The following ACYP2 variants were observed in gnomAD, a reference collection of about 807,000 sequenced individuals.
ACYP2 encodes acylphosphatase-2.
Under a neutral mutation model 11.2 loss-of-function variants are expected in ACYP2, and 12 were observed. That is an observed-to-expected ratio of 1.08 (90% CI 0.69 to 1.74). ACYP2 has a LOEUF of 1.74. Ranked by LOEUF, ACYP2 falls within the 40% of genes most tolerant of loss-of-function variation. The probability of loss-of-function intolerance (pLI) is 0.00; values close to 1 mark genes in which losing one functional copy is unlikely to be tolerated. For missense variants in ACYP2, 134 were observed against 101.9 expected (o/e 1.31, Z -1.35); for synonymous variants, 43 against 32.2 (o/e 1.33, Z -1.13).
chr2:54,039,249 C>T (rs13387890), intron 2 of ACYP2, among the ~76,000 whole-genome samples: 13,023 of 129,912 alleles, frequency 0.1, 821 homozygotes, highest in African/African-American at 0.18. Context: ...CAGCCTACAT[C>T]GTGCTTTAAT....
Position 54,153,935 on chromosome 2 carries a change from A to T in ACYP2, c.404+15187A>T, listed in dbSNP as rs545059222. Among the ~76,000 whole-genome samples the T allele has an allele frequency of 3.9e-5, 6 of 152,000 alleles. No homozygotes were observed. The South Asian group carries it at 6.2e-4, about 16-fold the overall frequency. On this transcript the variant is annotated intron_variant, in intron 6 of 6. Coordinates refer to ENST00000607452, the MANE Select transcript of ACYP2 (RefSeq NM_001320586.2). The stretch of plus-strand genomic sequence containing the variant: ...CTTTTTAACAATATTAATTCTTCCA[A>T]TCCATGAACGTGGAATATCCTTATA...
chr2:54,095,281 CTTCT>C (rs1259411803), intron 4 of ACYP2, among the ~76,000 whole-genome samples: 2 of 152,256 alleles, frequency 1.3e-5, no homozygotes, highest in Non-Finnish European at 2.9e-5. Flanking sequence ...CCCATGTCTA[CTTCT>C]TTCTACACAG....
Position 54,141,950 on chromosome 2 carries a change from ACGTCAACCTC to A in ACYP2, c.404+3204_404+3213del, listed in dbSNP as rs976214284. On this transcript the variant is annotated intron_variant, in intron 6 of 6. Coordinates refer to ENST00000607452, the MANE Select transcript of ACYP2 (RefSeq NM_001320586.2). ...CCTTCTGGGCTCAAGTGATCTTCCC[ACGTCAACCTC>A]CTGAGTGCACATGCTGGCTAATTTG... 6.9e-6 allele frequency: 4 copies of A among 581,180 alleles called. No individual in the cohort carries two copies. In the African/African-American group the frequency reaches 7.3e-5, roughly 11 times the overall value. 36.0% of individuals were successfully genotyped at this position (581,180 alleles called of 1,614,324 possible).
chr2:54,072,487 T>C (rs1421253993), intron 4 of ACYP2, among the ~76,000 whole-genome samples: 22 of 113,828 alleles, frequency 1.9e-4, no homozygotes, highest in Middle Eastern at 4.2e-3. Context: ...TTTCTTTCTT[T>C]TTTCTTTCTT....
chr2:54,290,162 G>T (rs1350931860), intron 6 of ACYP2, among the ~76,000 whole-genome samples: 1 of 152,070 alleles, frequency 6.6e-6, no homozygotes, highest in Non-Finnish European at 1.5e-5. Context: ...GGTCGGAGCC[G>T]GTGGGTGCCC....
intron 4 of ACYP2, among the ~76,000 whole-genome samples, chr2:54,060,539 C>T (rs1489333455): frequency 2.0e-5 from 3 of 152,088 alleles, no homozygotes; most frequent in African/African-American, 4.8e-5. Flanking sequence ...GGAGGCTTTC[C>T]TCAAATATCT....
intron 2 of ACYP2, among the ~76,000 whole-genome samples, chr2:53,974,130 G>A (rs1671343689): frequency 6.6e-6 from 1 of 151,450 alleles, no homozygotes; most frequent in African/African-American, 2.4e-5. Context: ...TGGCCAGGCT[G>A]GTCTCGAACT....
At position 54,104,516 on chromosome 2, in the gene ACYP2, G is replaced by T. The variant is rs573450183; in HGVS notation, c.278-30937G>T. On this transcript the variant is annotated intron_variant, in intron 4 of 6. Transcript: ENST00000607452. ...CAGGTTTTGTTAAGTAGACATTTTT[G>T]ATGTAGTTAGATTTTACCAAACTGC... Among the ~76,000 whole-genome samples, 88 of 152,230 alleles carry T rather than the reference G, an allele frequency of 5.8e-4. No homozygotes were observed. In the South Asian group the frequency reaches 0.01, roughly 18 times the overall value.
At chr2:54,013,712 C>T (rs187987919) in intron 2 of ACYP2, among the ~76,000 whole-genome samples, 114 of 139,398 alleles carry the variant, frequency 8.2e-4, no homozygotes, top group African/African-American at 2.8e-3. Context: ...CAGAGAAGCA[C>T]TACAAGAGAG....
chr2:53,975,122 G>C (rs1375392023), intron 2 of ACYP2: 4 of 386,802 alleles, frequency 1.0e-5, no homozygotes, highest in African/African-American at 8.3e-5. Context: ...CAACTCAGGA[G>C]GCTGAGGCAG....
At chr2:53,998,446 G>A (rs1206228571) in intron 2 of ACYP2, among the ~76,000 whole-genome samples, 3 of 152,174 alleles carry the variant, frequency 2.0e-5, no homozygotes, top group Non-Finnish European at 4.4e-5. Flanking sequence ...TAAACGAATT[G>A]GTTGGGAAAG....
At position 53,988,188 on chromosome 2, in the gene ACYP2, G is replaced by A. The variant is rs138061710; in HGVS notation, c.62+14378G>A. The stretch of plus-strand genomic sequence containing the variant: ...AAGACCAGCCTGTGCAACATATCAA[G>A]ACTTCATGTCATATTAAAAGAATAA... On this transcript the variant is annotated intron_variant, in intron 2 of 6. Transcript: ENST00000607452. Among the ~76,000 whole-genome samples the A allele has an allele frequency of 7.7e-4, 117 of 152,100 alleles. 1 individual carries two copies. The highest frequency in any genetic ancestry group is 2.2e-3 in the Admixed American group (33 of 15,242).
At chr2:54,016,004 G>A (rs937006530) in intron 2 of ACYP2, among the ~76,000 whole-genome samples, 1 of 152,026 alleles carries the variant, frequency 6.6e-6, no homozygotes, top group Non-Finnish European at 1.5e-5. Flanking sequence ...GTCAGAACAA[G>A]CCATAAGCCC....
chr2:54,089,283 GTATT>G (rs1483123369), intron 4 of ACYP2, among the ~76,000 whole-genome samples: 1 of 151,952 alleles, frequency 6.6e-6, no homozygotes, highest in Non-Finnish European at 1.5e-5. Flanking sequence ...TGCTAACTAA[GTATT>G]TATTTTTAAT....
intron 2 of ACYP2, among the ~76,000 whole-genome samples, chr2:54,030,109 A>G (rs539619051): frequency 1.0e-3 from 159 of 152,342 alleles, no homozygotes; most frequent in Admixed American, 1.9e-3. Flanking sequence ...TTTTGTTTCA[A>G]TTAGAAGGTC....
At chr2:54,217,357 C>G (rs1446562177) in intron 6 of ACYP2, among the ~76,000 whole-genome samples, 3 of 152,016 alleles carry the variant, frequency 2.0e-5, no homozygotes, top group African/African-American at 7.3e-5. Flanking sequence ...CAGCACAGCT[C>G]TAGGTTTTTT....
At chr2:54,028,195 T>C (rs1222841206) in intron 2 of ACYP2, among the ~76,000 whole-genome samples, 1 of 152,098 alleles carries the variant, frequency 6.6e-6, no homozygotes, top group South Asian at 2.1e-4. Flanking sequence ...TTCTCAGACT[T>C]TTTTTGTTTT....
At chr2:54,048,239 A>G (rs1363649384) in intron 2 of ACYP2, among the ~76,000 whole-genome samples, 1 of 152,122 alleles carries the variant, frequency 6.6e-6, no homozygotes, top group East Asian at 1.9e-4. Context: ...AGTCTGGGCA[A>G]CACAGGAAGA....
At chr2:53,983,294 C>T (rs1671858473) in intron 2 of ACYP2, among the ~76,000 whole-genome samples, 1 of 152,024 alleles carries the variant, frequency 6.6e-6, no homozygotes, top group Non-Finnish European at 1.5e-5. Context: ...TCACTTGAGT[C>T]CAGGAGTTCA....
Sources: gnomAD v4.1 joint callset for allele counts (sites outside exome capture counted in the v4.1 genomes callset) on GRCh38, gnomAD v4.1.1 for gene constraint, MANE v1.5 for transcripts, NCBI Gene and HGNC (gene_info 2026-07-23, HGNC 2026-07-21) for gene names.